IFT74: variants seen among roughly 807,000 people sequenced by gnomAD.
IFT74 encodes intraflagellar transport 74.
In IFT74, 92 loss-of-function variants were observed where a neutral mutation model predicts 96.7. The observed-to-expected ratio is 0.95, with a 90% CI of 0.80 to 1.13. IFT74 has a LOEUF of 1.13. Ranked by LOEUF, IFT74 falls within the 50% of genes most tolerant of loss-of-function variation. IFT74 has a pLI of 0.00. For synonymous variants in IFT74, 223 were observed against 213.2 expected (o/e 1.05, Z -0.40); for missense variants, 811 against 698.2 (o/e 1.16, Z -1.82).
intron 6 of IFT74, among the ~76,000 whole-genome samples, chr9:26,987,185 G>T (rs948809095): frequency 9.9e-5 from 15 of 151,984 alleles, no homozygotes; most frequent in African/African-American, 3.4e-4. Context: ...GAGTAGCTGG[G>T]ATTACAGGCG....
intron 1 of IFT74, among the ~76,000 whole-genome samples, chr9:26,951,410 G>A (rs867092932): frequency 2.0e-5 from 3 of 151,996 alleles, no homozygotes; most frequent in African/African-American, 4.8e-5. Flanking sequence ...ACTAAAATTC[G>A]CCACATAGAC....
chr9:26,999,622 A>C (rs1828366040), intron 8 of IFT74: 1 of 1,596,988 alleles, frequency 6.3e-7, no homozygotes, highest in Non-Finnish European at 8.5e-7. Context: ...ACTCTTTTAG[A>C]AGACTGGATT....
At chr9:27,008,743 T>A (rs1828907275) in intron 8 of IFT74, among the ~76,000 whole-genome samples, 1 of 152,180 alleles carries the variant, frequency 6.6e-6, no homozygotes, top group Non-Finnish European at 1.5e-5. Flanking sequence ...TTTTTGGTAA[T>A]CTTTGTGATT....
chr9:27,001,719 A>G (rs1347121764), intron 8 of IFT74, among the ~76,000 whole-genome samples: 2 of 152,000 alleles, frequency 1.3e-5, no homozygotes, highest in African/African-American at 2.4e-5. Context: ...CTGATTATTA[A>G]CCCCTTTTTA....
intron 8 of IFT74, chr9:26,996,296 G>C (rs923630893): frequency 2.0e-6 from 3 of 1,469,706 alleles, no homozygotes; most frequent in Non-Finnish European, 2.8e-6. Flanking sequence ...TTAATATATA[G>C]AACCAGTATA....
rs1820492963 is a variant in IFT74, at chr9:27,062,953, TG to T, written c.*218del. 2.2e-6 allele frequency: 1 copy of T among 457,666 alleles called. No homozygotes were observed. The highest frequency in any genetic ancestry group is 3.8e-6 in the Non-Finnish European group (1 of 261,512). The allele number at this position is 457,666 out of a possible 1,614,324, so 28.4% of individuals were successfully genotyped here. On this transcript the variant is annotated 3_prime_UTR_variant, in exon 20 of 20. Transcript: ENST00000380062. Reference sequence around the variant, plus strand: ...AAAGTACCATCTTCTTTTCTTTTTATGCTACTTGTATTTGAACCAAGAGATA... The same window carrying T: ...AAAGTACCATCTTCTTTTCTTTTTATCTACTTGTATTTGAACCAAGAGATA...
chr9:27,028,153 T>C (rs1447588769), intron 12 of IFT74, among the ~76,000 whole-genome samples: 1 of 152,204 alleles, frequency 6.6e-6, no homozygotes, highest in Non-Finnish European at 1.5e-5. Flanking sequence ...TCCATTGATA[T>C]ATATGTCTAT....
chr9:26,959,928 T>C (rs1443008519), intron 1 of IFT74, among the ~76,000 whole-genome samples: 1 of 152,202 alleles, frequency 6.6e-6, no homozygotes, highest in East Asian at 1.9e-4. Flanking sequence ...GTTCAGCACT[T>C]CAGATTGGAT....
rs948299812 is a variant in IFT74 at position 27,065,265 on chromosome 9, C to T, written c.*2529C>T. 6.6e-6 allele frequency among the ~76,000 whole-genome samples: 1 copy of T among 152,178 alleles called. No individual in the cohort carries two copies. Among genetic ancestry groups the T allele is most frequent in the Non-Finnish European group, 1.5e-5 (1 of 68,018 alleles). ...CTGAGGGAAATTCTCACTAATGTCT[C>T]TCTTCCTTCCTCTGAGAGCCTTTCC... On this transcript the variant is annotated 3_prime_UTR_variant, in exon 20 of 20. Coordinates refer to ENST00000380062, the MANE Select transcript of IFT74 (RefSeq NM_025103.4).
chr9:26,959,982 T>C (rs1826283175), intron 1 of IFT74, among the ~76,000 whole-genome samples: 2 of 152,178 alleles, frequency 1.3e-5, no homozygotes, highest in Admixed American at 1.3e-4. Context: ...TGGAGAATAG[T>C]TCAAGGATAC....
intron 2 of IFT74, among the ~76,000 whole-genome samples, chr9:26,962,290 C>T (rs191603996): frequency 2.0e-5 from 3 of 152,250 alleles, no homozygotes; most frequent in Admixed American, 1.3e-4. Context: ...AGAGATTCTA[C>T]TTTGTTGTTT....
chr9:27,050,706 A>G (rs1819882567), intron 16 of IFT74, among the ~76,000 whole-genome samples: 1 of 122,270 alleles, frequency 8.2e-6, no homozygotes, highest in Non-Finnish European at 1.6e-5. Context: ...GGACACAGGA[A>G]GGGGGACATC....
At chr9:27,045,327 T>C (rs1465843438) in intron 14 of IFT74, among the ~76,000 whole-genome samples, 2 of 152,198 alleles carry the variant, frequency 1.3e-5, no homozygotes, top group Non-Finnish European at 2.9e-5. Context: ...CCAGCCCTGG[T>C]CCATAGAAAA....
intron 8 of IFT74, among the ~76,000 whole-genome samples, chr9:27,003,487 T>A (rs1348411887): frequency 2.6e-5 from 4 of 151,884 alleles, no homozygotes; most frequent in Admixed American, 2.6e-4. Context: ...CATGCCACTG[T>A]GCTCCAGCCT....
intron 1 of IFT74, among the ~76,000 whole-genome samples, chr9:26,957,214 C>T (rs2131466934): frequency 6.6e-6 from 1 of 152,212 alleles, no homozygotes; most frequent in African/African-American, 2.4e-5. Flanking sequence ...CCTCTTAATC[C>T]CACTGGTAAT....
intron 8 of IFT74, among the ~76,000 whole-genome samples, chr9:27,002,991 T>C (rs1252309693): frequency 6.6e-6 from 1 of 152,196 alleles, no homozygotes; most frequent in East Asian, 1.9e-4. Context: ...TTTTGTTATA[T>C]AGATATTTCA....
intron 8 of IFT74, among the ~76,000 whole-genome samples, chr9:26,996,935 G>A (rs564394585): frequency 6.6e-6 from 1 of 152,292 alleles, no homozygotes; most frequent in East Asian, 1.9e-4. Context: ...TTCTGGCCGG[G>A]CGCAGAGGCT....
chr9:26,993,308 G>T (rs1827969445), intron 8 of IFT74: 1 of 152,008 alleles, frequency 6.6e-6, no homozygotes, highest in Admixed American at 6.5e-5. Context: ...TTAGCAGAAT[G>T]ATACATTGTT....
Position 27,064,634 on chromosome 9 carries a change from T to A in IFT74, c.*1898T>A, listed in dbSNP as rs906112514. 2.6e-5 allele frequency among the ~76,000 whole-genome samples: 4 copies of A among 152,148 alleles called. No individual in the cohort carries two copies. Among genetic ancestry groups the A allele is most frequent in the Non-Finnish European group, 4.4e-5 (3 of 67,978 alleles). ...TGGTCTCTTAATCACATTGATTCTA[T>A]TTCGTGGATACTTCCAAGGAGGAAG... On this transcript the variant is annotated 3_prime_UTR_variant, in exon 20 of 20. Transcript: ENST00000380062.
Sources: allele counts gnomAD v4.1 joint callset (sites outside exome capture counted in the v4.1 genomes callset), GRCh38; gene constraint gnomAD v4.1.1; transcripts MANE v1.5; gene names NCBI Gene and HGNC (gene_info 2026-07-23, HGNC 2026-07-21).